The following TEC variants were observed in gnomAD, a reference collection of about 807,000 sequenced individuals.
The protein encoded by TEC is tyrosine-protein kinase Tec.
TEC carries 72 observed loss-of-function variants against 93.0 expected under a neutral mutation model. That is an observed-to-expected ratio of 0.77 (90% CI 0.64 to 0.94). TEC has a LOEUF of 0.94. Ranked by LOEUF, TEC falls within the 40% of genes least tolerant of loss-of-function variation. The pLI, the probability that TEC is intolerant of heterozygous loss-of-function variation, is 0.00. For synonymous variants in TEC, 249 were observed against 247.7 expected (o/e 1.01, Z -0.05); for missense variants, 630 against 757.9 (o/e 0.83, Z 1.98).
intron 1 of TEC, among the ~76,000 whole-genome samples, chr4:48,234,738 A>G (rs1723738604): frequency 6.6e-6 from 1 of 152,200 alleles, no homozygotes; most frequent in Non-Finnish European, 1.5e-5. Context: ...TGGGTGTGAG[A>G]GCAGGAAGTA....
chr4:48,160,533 C>A (rs1023142355), intron 8 of TEC, among the ~76,000 whole-genome samples: 4 of 152,062 alleles, frequency 2.6e-5, no homozygotes, highest in African/African-American at 9.6e-5. Context: ...TTGAGACCAG[C>A]CTGGCCAACA....
At chr4:48,241,508 T>C (rs1723922126) in intron 1 of TEC, among the ~76,000 whole-genome samples, 1 of 152,156 alleles carries the variant, frequency 6.6e-6, no homozygotes, top group Admixed American at 6.5e-5. Flanking sequence ...CTTCAAATCA[T>C]CTCAGCCTAG....
intron 2 of TEC, among the ~76,000 whole-genome samples, chr4:48,218,403 A>G (rs1391778959): frequency 2.0e-5 from 3 of 152,160 alleles, no homozygotes; most frequent in Non-Finnish European, 4.4e-5. Flanking sequence ...CTTATGTGTC[A>G]GGACCACAGG....
chr4:48,245,250 G>A (rs148498186), intron 1 of TEC, among the ~76,000 whole-genome samples: 2,395 of 150,228 alleles, frequency 0.016, 56 homozygotes, highest in African/African-American at 0.051. Flanking sequence ...CCGAGATCGC[G>A]CCACGGCACT....
chr4:48,160,551 A>G (rs1230957171), intron 8 of TEC, among the ~76,000 whole-genome samples: 1 of 151,730 alleles, frequency 6.6e-6, no homozygotes, highest in Non-Finnish European at 1.5e-5. Flanking sequence ...ACATATTGAA[A>G]CCCTGTCTCT....
At chr4:48,144,718 C>T (rs1325653357) in intron 14 of TEC, among the ~76,000 whole-genome samples, 2 of 152,104 alleles carry the variant, frequency 1.3e-5, no homozygotes, top group Non-Finnish European at 2.9e-5. Flanking sequence ...CAAGGCCAAC[C>T]CCAATTTCCC....
chr4:48,201,721 G>C (rs1390287056), intron 2 of TEC, among the ~76,000 whole-genome samples: 1 of 152,184 alleles, frequency 6.6e-6, no homozygotes, highest in Non-Finnish European at 1.5e-5. Context: ...GAAGGGGACG[G>C]GAAGCAGAAT....
intron 8 of TEC, among the ~76,000 whole-genome samples, chr4:48,161,111 C>T (rs1362072493): frequency 6.6e-6 from 1 of 152,026 alleles, no homozygotes; most frequent in Non-Finnish European, 1.5e-5. Context: ...GGTTTGAGGG[C>T]ATTTCATCTT....
chr4:48,195,011 G>A (rs1221206801), intron 2 of TEC, among the ~76,000 whole-genome samples: 1 of 152,212 alleles, frequency 6.6e-6, no homozygotes, highest in Non-Finnish European at 1.5e-5. Context: ...AGTGCTTGAT[G>A]ATATTAAGGA....
At chr4:48,138,284 A>G (rs563983281) in intron 17 of TEC, among the ~76,000 whole-genome samples, 1 of 152,148 alleles carries the variant, frequency 6.6e-6, no homozygotes, top group African/African-American at 2.4e-5. Context: ...ACTTTCAAAG[A>G]CCTCGGAAAG....
chr4:48,267,858 G>C (rs1249838691), intron 1 of TEC, among the ~76,000 whole-genome samples: 1 of 152,204 alleles, frequency 6.6e-6, no homozygotes, highest in Non-Finnish European at 1.5e-5. Flanking sequence ...TAAGGAGCTG[G>C]AACAGCTGGG....
intron 1 of TEC, among the ~76,000 whole-genome samples, chr4:48,260,036 C>T (rs1724455334): frequency 6.6e-6 from 1 of 152,154 alleles, no homozygotes; most frequent in Admixed American, 6.5e-5. Context: ...GGAAAGTTTT[C>T]CTATAGACAT....
intron 2 of TEC, among the ~76,000 whole-genome samples, chr4:48,176,406 T>C (rs958132543): frequency 1.5e-5 from 2 of 130,656 alleles, no homozygotes; most frequent in Admixed American, 1.6e-4. Flanking sequence ...ATGAAACTGT[T>C]CTGTCCTGCC....
At chr4:48,248,849 CTCTT>C (rs1431669976) in intron 1 of TEC, among the ~76,000 whole-genome samples, 9 of 145,526 alleles carry the variant, frequency 6.2e-5, no homozygotes, top group African/African-American at 1.8e-4. Context: ...TTGTTTCTCT[CTCTT>C]TGTCTCCTCT....
intron 1 of TEC, among the ~76,000 whole-genome samples, chr4:48,257,776 G>C (rs914096621): frequency 1.9e-5 from 2 of 105,842 alleles, no homozygotes; most frequent in African/African-American, 3.2e-5. Flanking sequence ...CACAGTACAA[G>C]AGGGTGCACC....
Position 48,145,437 on chromosome 4 carries a change from C to G in TEC, c.1224G>C (p.Glu408Asp). 1 of 1,614,132 alleles carries G rather than the reference C, an allele frequency of 6.2e-7. No individual in the cohort carries two copies. The highest frequency in any genetic ancestry group is 8.5e-7 in the Non-Finnish European group (1 of 1,180,034). Residue 408 changes from glutamate (E) to aspartate (D), a missense_variant, in exon 13 of 18, where the codon GAG (glutamate) becomes GAC (aspartate). Physicochemically the swap from Glu to Asp is conservative, Grantham distance 45 (BLOSUM62 2). Transcript: ENST00000381501. ...TCACTTTAGCTTCTTCTATAAAGTCCTCCTCGCACATTGCACCTTCCCGAA... is the reference window on the plus strand; with the variant it reads ...TCACTTTAGCTTCTTCTATAAAGTCGTCCTCGCACATTGCACCTTCCCGAA... ...KAIREGAMCE[E>D]DFIEEAKVMM...
intron 1 of TEC, among the ~76,000 whole-genome samples, chr4:48,238,217 G>A (rs1268744012): frequency 1.3e-5 from 2 of 152,160 alleles, no homozygotes; most frequent in Admixed American, 6.5e-5. Context: ...GTGCTCAGAA[G>A]GAAGTAACAC....
chr4:48,232,485 G>GT (rs1265660704), intron 1 of TEC, among the ~76,000 whole-genome samples: 4 of 152,146 alleles, frequency 2.6e-5, no homozygotes, highest in Middle Eastern at 3.2e-3. Context: ...AAGTCTCCTA[G>GT]TTCCTACTTA....
chr4:48,157,669 C>T (rs1577707357), intron 8 of TEC, among the ~76,000 whole-genome samples: 1 of 152,202 alleles, frequency 6.6e-6, no homozygotes, highest in Admixed American at 6.5e-5. Context: ...GCATGCGCCA[C>T]CACACCCAGC....
Sources: gnomAD v4.1 joint callset for allele counts (sites outside exome capture counted in the v4.1 genomes callset) on GRCh38, gnomAD v4.1.1 for gene constraint, MANE v1.5 for transcripts, NCBI Gene and HGNC (gene_info 2026-07-23, HGNC 2026-07-21) for gene names.